ZFHX4: variants seen among roughly 807,000 people sequenced by gnomAD.
ZFHX4 encodes zinc finger homeobox protein 4.
A neutral mutation model predicts 267.6 loss-of-function variants in ZFHX4; 56 were observed. The observed-to-expected ratio is 0.21, with a 90% CI of 0.17 to 0.26. The LOEUF (loss-of-function observed/expected upper bound fraction) is 0.26. Among genes scored for constraint, ZFHX4 ranks in the 10% least tolerant of loss-of-function variants. The probability of loss-of-function intolerance (pLI) is 1.00; values close to 1 mark genes in which losing one functional copy is unlikely to be tolerated. For synonymous variants in ZFHX4, 1,778 were observed against 1,665.6 expected (o/e 1.07, Z -1.64); for missense variants, 4,332 against 4,420.0 (o/e 0.98, Z 0.56).
intron 10 of ZFHX4, among the ~76,000 whole-genome samples, chr8:76,858,444 G>C (rs957821084): frequency 1.4e-4 from 22 of 152,180 alleles, no homozygotes; most frequent in Non-Finnish European, 1.5e-4. Flanking sequence ...AGACTGGGGA[G>C]TGTTATAAAG....
chr8:76,738,736 C>A (rs1488799942), intron 3 of ZFHX4, among the ~76,000 whole-genome samples: 2 of 145,286 alleles, frequency 1.4e-5, no homozygotes, highest in African/African-American at 2.6e-5. Flanking sequence ...CTCTCTCTCT[C>A]CTTCTCTCTT....
At chr8:76,791,832 T>C (rs1271341437) in intron 4 of ZFHX4, among the ~76,000 whole-genome samples, 1 of 152,140 alleles carries the variant, frequency 6.6e-6, no homozygotes, top group African/African-American at 2.4e-5. Context: ...TAAGATTCAG[T>C]ATGTATTAAA....
intron 3 of ZFHX4, among the ~76,000 whole-genome samples, chr8:76,770,114 G>C (rs1810222593): frequency 1.3e-5 from 2 of 152,160 alleles, no homozygotes; most frequent in Non-Finnish European, 2.9e-5. Context: ...TTCTGGACCT[G>C]AGGTGACACA....
In ZFHX4 at chr8:76,706,399, G is replaced by A; in HGVS notation, c.2311G>A (p.Val771Ile). 1 of 1,614,178 alleles carries A rather than the reference G, an allele frequency of 6.2e-7. No individual in the cohort carries two copies. Among genetic ancestry groups the A allele is most frequent in the Non-Finnish European group, 8.5e-7 (1 of 1,180,020 alleles). Reference protein sequence around the residue: ...PKQKPTWRCEVCDYETNVARN... With the variant: ...PKQKPTWRCEICDYETNVARN... Reference sequence around the variant, plus strand: ...ACAGAAACCCACCTGGCGGTGTGAAGTTTGTGATTATGAAACCAATGTCGC... The same window carrying A: ...ACAGAAACCCACCTGGCGGTGTGAAATTTGTGATTATGAAACCAATGTCGC... The change falls in exon 2 of 11, where the codon GTT becomes ATT. Residue 771 changes from valine to isoleucine, a missense_variant. By Grantham distance (29) the Val-to-Ile change is conservative. Coordinates refer to ENST00000651372, the MANE Select transcript of ZFHX4 (RefSeq NM_024721.5).
In ZFHX4 at chr8:76,704,517, G is replaced by C. The variant is rs371460335; in HGVS notation, c.429G>C (p.Glu143Asp). The C allele has an allele frequency of 1.2e-5, 20 of 1,613,770 alleles. No individual in the cohort carries two copies. Among genetic ancestry groups the C allele is most frequent in the Non-Finnish European group, 1.6e-5 (19 of 1,179,880 alleles). Reference sequence around the variant, plus strand: ...CTGATGGGTCAGCATATATAATTGAGGACTCCAAAGAAAGTGGGCAGAATG... The same window carrying C: ...CTGATGGGTCAGCATATATAATTGACGACTCCAAAGAAAGTGGGCAGAATG... ...YQPDGSAYII[E>D]DSKESGQNAQ... The change falls in exon 2 of 11, where the codon GAG becomes GAC. Residue 143 changes from glutamate (E) to aspartate (D), a missense_variant. By Grantham distance (45) the Glu-to-Asp change is conservative. Coordinates refer to ENST00000651372, the MANE Select transcript of ZFHX4 (RefSeq NM_024721.5).
Position 76,854,549 on chromosome 8 carries a change from A to G in ZFHX4, c.7628A>G (p.Asn2543Ser). Reference sequence around the variant, plus strand: ...ATGCCCTACATGATATTTGACCCCAACAATCCGCTGATGACTGGACAACTG... The same window carrying G: ...ATGCCCTACATGATATTTGACCCCAGCAATCCGCTGATGACTGGACAACTG... ...MDMPYMIFDP[N>S]NPLMTGQLLG... The change falls in exon 10 of 11, where the codon AAC becomes AGC. Residue 2543 changes from asparagine to serine, a missense_variant. Around this residue, in one of 7 missense-constraint regions of ZFHX4, gnomAD observed 1,648 missense variants for 1,625.0 expected, o/e 1.01. Transcript: ENST00000651372. The G allele has an allele frequency of 1.9e-6, 3 of 1,613,826 alleles. No individual in the cohort carries two copies. Among genetic ancestry groups the G allele is most frequent in the Non-Finnish European group, 2.5e-6 (3 of 1,179,842 alleles).
intron 3 of ZFHX4, among the ~76,000 whole-genome samples, chr8:76,760,574 TCTC>T (rs1361436301): frequency 1.3e-5 from 2 of 152,038 alleles, no homozygotes; most frequent in Non-Finnish European, 2.9e-5. Flanking sequence ...AAGAGTTTAA[TCTC>T]CTACTCTGAG....
chr8:76,806,282 G>A (rs1014692639), intron 4 of ZFHX4, among the ~76,000 whole-genome samples: 15 of 152,030 alleles, frequency 9.9e-5, no homozygotes, highest in African/African-American at 4.8e-5. Flanking sequence ...AGATGATAAC[G>A]AGTGAACACA....
intron 4 of ZFHX4, chr8:76,782,055 A>T: frequency 2.8e-6 from 1 of 355,164 alleles, no homozygotes; most frequent in Non-Finnish European, 5.6e-6. Context: ...ATAATCTCAA[A>T]TATGTAAATG....
intron 3 of ZFHX4, among the ~76,000 whole-genome samples, chr8:76,753,188 C>T (rs1299965961): frequency 6.6e-6 from 1 of 152,054 alleles, no homozygotes; most frequent in Non-Finnish European, 1.5e-5. Flanking sequence ...TAAATTGAAC[C>T]ATCAGTTTCC....
chr8:76,839,569 T>C (rs1812181810), intron 5 of ZFHX4, among the ~76,000 whole-genome samples: 1 of 152,208 alleles, frequency 6.6e-6, no homozygotes. Flanking sequence ...ATGTGGCATA[T>C]CCATATGCTG....
chr8:76,705,820 G>T lies in ZFHX4; in HGVS notation c.1732G>T (p.Ala578Ser). The T allele has an allele frequency of 6.2e-7, 1 of 1,613,908 alleles. No homozygotes were observed. The highest frequency in any genetic ancestry group is 8.5e-7 in the Non-Finnish European group (1 of 1,179,876). Residue 578 changes from alanine to serine, a missense_variant, in exon 2 of 11, where the codon GCC (alanine) becomes TCC (serine). Physicochemically the swap from Ala to Ser is moderately conservative, Grantham distance 99. Transcript: ENST00000651372. ...CACAGCTGCTCATCCAAGTGAAATA[G>T]CCCGGGGAGACGAAGACAGTTCAGC... The part of the protein sequence containing the change: ...SATAAHPSEI[A>S]RGDEDSSATP...
chr8:76,706,978 A>G (rs1449296751), intron 2 of ZFHX4, among the ~76,000 whole-genome samples: 4 of 152,230 alleles, frequency 2.6e-5, no homozygotes, highest in Non-Finnish European at 5.9e-5. Context: ...CATTAGCCAT[A>G]CCTTACAAGG....
intron 4 of ZFHX4, among the ~76,000 whole-genome samples, chr8:76,790,603 T>G (rs1810808131): frequency 6.6e-6 from 1 of 152,184 alleles, no homozygotes; most frequent in Non-Finnish European, 1.5e-5. Flanking sequence ...GGTTTAAAAC[T>G]AAAGCACTGA....
chr8:76,855,221 T>G lies in ZFHX4; in HGVS notation c.8300T>G (p.Leu2767Arg), dbSNP rs748569747. The G allele has an allele frequency of 4.3e-6, 7 of 1,612,252 alleles. No homozygotes were observed. The highest frequency in any genetic ancestry group is 5.1e-6 in the Non-Finnish European group (6 of 1,179,308). The stretch of plus-strand genomic sequence containing the variant: ...ACAGCAGAGCTGTCACCGAAGAATC[T>G]TTTAAGCCCTTCTTCTTTTAAAGCA... ...SKTAELSPKN[L>R]LSPSSFKAEC... is the part of the protein sequence containing the mutation. The change falls in exon 10 of 11, where the codon CTT becomes CGT. Residue 2767 changes from leucine to arginine, a missense_variant. By Grantham distance (102) the Leu-to-Arg change is moderately radical. Coordinates refer to ENST00000651372, the MANE Select transcript of ZFHX4 (RefSeq NM_024721.5).
chr8:76,739,109 T>G (rs990333903), intron 3 of ZFHX4, among the ~76,000 whole-genome samples: 1 of 152,158 alleles, frequency 6.6e-6, no homozygotes, highest in African/African-American at 2.4e-5. Context: ...TTTTGAATCA[T>G]TAGATCAGCA....
chr8:76,779,138 G>A (rs1810481193), intron 4 of ZFHX4, among the ~76,000 whole-genome samples: 1 of 152,050 alleles, frequency 6.6e-6, no homozygotes, highest in South Asian at 2.1e-4. Flanking sequence ...TACCCATATT[G>A]GAATTAAATG....
intron 10 of ZFHX4, among the ~76,000 whole-genome samples, chr8:76,862,343 T>C (rs983142342): frequency 6.6e-6 from 1 of 152,186 alleles, no homozygotes; most frequent in African/African-American, 2.4e-5. Context: ...AAGCATGTTT[T>C]GGGGGTGGTA....
At chr8:76,765,131 A>G (rs1810019370) in intron 3 of ZFHX4, among the ~76,000 whole-genome samples, 2 of 152,210 alleles carry the variant, frequency 1.3e-5, no homozygotes, top group African/African-American at 4.8e-5. Context: ...CTGCCTGGGC[A>G]CTTGGTAACC....
Sources: gnomAD v4.1 joint callset for allele counts (sites outside exome capture counted in the v4.1 genomes callset) on GRCh38, gnomAD v4.1.1 for gene constraint, gnomAD v4.1.1 regional missense constraint, MANE v1.5 for transcripts, NCBI Gene and HGNC (gene_info 2026-07-23, HGNC 2026-07-21) for gene names.